GABRA2: variants seen among roughly 807,000 people sequenced by gnomAD.
GABRA2 encodes gamma-aminobutyric acid type A receptor subunit alpha2.
A neutral mutation model predicts 48.7 loss-of-function variants in GABRA2; 16 were observed. The ratio of observed to expected loss-of-function variants is 0.33; its 90% CI spans 0.22 to 0.50. The LOEUF (loss-of-function observed/expected upper bound fraction) is 0.50, where lower values mean the gene tolerates loss of function less well. GABRA2 is among the 20% of genes least tolerant of loss of function. The pLI, the probability that GABRA2 is intolerant of heterozygous loss-of-function variation, is 0.98. For missense variants in GABRA2, 275 were observed against 535.6 expected (o/e 0.51, Z 4.80); for synonymous variants, 185 against 184.5 (o/e 1.00, Z -0.02).
intron 3 of GABRA2, among the ~76,000 whole-genome samples, chr4:46,347,781 G>A (rs1033905280): frequency 1.3e-5 from 2 of 151,800 alleles, no homozygotes; most frequent in African/African-American, 2.4e-5. Context: ...CACTGCAAAG[G>A]AAACAATTAG....
intron 8 of GABRA2, among the ~76,000 whole-genome samples, chr4:46,278,756 C>T (rs1251068006): frequency 1.3e-5 from 2 of 152,092 alleles, no homozygotes; most frequent in African/African-American, 4.8e-5. Context: ...TCACCAATTA[C>T]ACTGAAAACA....
chr4:46,364,783 G>C (rs745833950), intron 3 of GABRA2: 1 of 152,124 alleles, frequency 6.6e-6, no homozygotes, highest in Non-Finnish European at 1.5e-5. Flanking sequence ...GATTAGGTCA[G>C]ACCCACTCGG....
chr4:46,348,330 C>G (rs1386262930), intron 3 of GABRA2, among the ~76,000 whole-genome samples: 1 of 151,944 alleles, frequency 6.6e-6, no homozygotes, highest in Non-Finnish European at 1.5e-5. Flanking sequence ...GTTGGTGGGA[C>G]TGTAAACTAG....
chr4:46,283,978 C>G (rs1157367885), intron 8 of GABRA2, among the ~76,000 whole-genome samples: 1 of 151,472 alleles, frequency 6.6e-6, no homozygotes, highest in Non-Finnish European at 1.5e-5. Flanking sequence ...CCAGGATGGT[C>G]TCCATCTCCT....
chr4:46,351,856 T>C (rs1735173900), intron 3 of GABRA2, among the ~76,000 whole-genome samples: 1 of 152,044 alleles, frequency 6.6e-6, no homozygotes, highest in African/African-American at 2.4e-5. Flanking sequence ...GATACACTAT[T>C]AGGAATAGTT....
chr4:46,281,992 G>T (rs1192163134), intron 8 of GABRA2, among the ~76,000 whole-genome samples: 1 of 152,180 alleles, frequency 6.6e-6, no homozygotes, highest in African/African-American at 2.4e-5. Context: ...TTGGCAATAT[G>T]CAGAAACATG....
At chr4:46,337,269 C>T (rs1732407022) in intron 3 of GABRA2, among the ~76,000 whole-genome samples, 1 of 152,056 alleles carries the variant, frequency 6.6e-6, no homozygotes, top group African/African-American at 2.4e-5. Flanking sequence ...TTGTAATTTT[C>T]AATGGTCCTG....
chr4:46,281,807 G>A (rs992452760), intron 8 of GABRA2, among the ~76,000 whole-genome samples: 42 of 152,296 alleles, frequency 2.8e-4, no homozygotes, highest in Non-Finnish European at 1.5e-4. Flanking sequence ...CATTAGAAGA[G>A]TCAAGGGAAT....
intron 8 of GABRA2, among the ~76,000 whole-genome samples, chr4:46,291,586 G>A (rs1456238774): frequency 6.6e-6 from 1 of 151,960 alleles, no homozygotes; most frequent in Non-Finnish European, 1.5e-5. Context: ...ACGTGAAAAG[G>A]CTAGCCTGGC....
chr4:46,336,873 T>C (rs1732321750), intron 3 of GABRA2, among the ~76,000 whole-genome samples: 1 of 152,108 alleles, frequency 6.6e-6, no homozygotes, highest in African/African-American at 2.4e-5. Context: ...TTTTAACTGA[T>C]TCATAGAAAA....
chr4:46,349,416 A>G (rs1271083210), intron 3 of GABRA2, among the ~76,000 whole-genome samples: 2 of 152,012 alleles, frequency 1.3e-5, no homozygotes, highest in East Asian at 3.9e-4. Context: ...ATACTTATGG[A>G]TAATTAGTAT....
intron 8 of GABRA2, among the ~76,000 whole-genome samples, chr4:46,287,734 C>G (rs1240411838): frequency 6.6e-6 from 1 of 151,396 alleles, no homozygotes; most frequent in Non-Finnish European, 1.5e-5. Context: ...ACGTATGTAA[C>G]TAACCTGCAC....
At chr4:46,329,660 A>G (rs1731001247) in intron 4 of GABRA2, among the ~76,000 whole-genome samples, 1 of 152,086 alleles carries the variant, frequency 6.6e-6, no homozygotes, top group African/African-American at 2.4e-5. Context: ...ATCACTTGAA[A>G]TCTTCTTTTA....
intron 3 of GABRA2, among the ~76,000 whole-genome samples, chr4:46,371,603 T>A (rs1052857050): frequency 2.0e-5 from 3 of 152,014 alleles, no homozygotes; most frequent in African/African-American, 4.8e-5. Context: ...AGATTTTTTT[T>A]ACTCATAGAG....
intron 8 of GABRA2, among the ~76,000 whole-genome samples, chr4:46,300,887 T>A (rs1725622306): frequency 6.6e-6 from 1 of 152,142 alleles, no homozygotes; most frequent in African/African-American, 2.4e-5. Context: ...TCATGTGAAC[T>A]ATTTTAGTAG....
intron 7 of GABRA2, 72 bp downstream of exon 7, chr4:46,305,495 TG>T: frequency 7.2e-7 from 1 of 1,384,768 alleles, no homozygotes; most frequent in Non-Finnish European, 1.0e-6. Context: ...TTAAGCAATC[TG>T]ACACACTTCC....
At chr4:46,302,258 G>C (rs773913956) in intron 8 of GABRA2, among the ~76,000 whole-genome samples, 28 of 152,014 alleles carry the variant, frequency 1.8e-4, no homozygotes, top group Non-Finnish European at 3.7e-4. Flanking sequence ...ACAGGGTCTT[G>C]CTATATTGCC....
chr4:46,260,998 G>A (rs1716851010), intron 9 of GABRA2: 1 of 151,852 alleles, frequency 6.6e-6, no homozygotes, highest in African/African-American at 2.4e-5. Context: ...CTGCAAGTAT[G>A]TTAATCCAAA....
At chr4:46,291,776 C>CACACATATAT (rs1553906974) in intron 8 of GABRA2, among the ~76,000 whole-genome samples, 3 of 144,752 alleles carry the variant, frequency 2.1e-5, no homozygotes, top group African/African-American at 7.7e-5. Context: ...TAAACACACA[C>CACACATATAT]ATATATATAT....
Sources: gnomAD v4.1 joint callset for allele counts (sites outside exome capture counted in the v4.1 genomes callset) on GRCh38, gnomAD v4.1.1 for gene constraint, MANE v1.5 for transcripts, NCBI Gene and HGNC (gene_info 2026-07-23, HGNC 2026-07-21) for gene names.